Variants in DRP2 observed in about 807,000 individuals in gnomAD.
The protein encoded by DRP2 is dystrophin related protein 2.
In DRP2, 29 loss-of-function variants were observed where a neutral mutation model predicts 78.2. The observed-to-expected ratio is 0.37, with a 90% CI of 0.28 to 0.51. The LOEUF (loss-of-function observed/expected upper bound fraction) is 0.51. DRP2 is among the 20% of genes least tolerant of loss of function. The pLI is 0.94. For synonymous variants in DRP2, 290 were observed against 281.9 expected, an observed-to-expected ratio of 1.03 and a Z score of -0.29; for missense variants, 686 against 770.6, an observed-to-expected ratio of 0.89 and a Z score of 1.30.
chrX:101,255,136 C>T (rs1240465518), intron 19 of DRP2, 48 bp from the exon 20 acceptor site: 6 of 1,160,998 alleles, frequency 5.2e-6, no homozygotes, highest in African/African-American at 1.8e-5. Context: ...GAGATGGAAG[C>T]AGGCCCCACA....
At chrX:101,252,126 G>A (rs1433668275) in intron 16 of DRP2, among the ~76,000 whole-genome samples, 1 of 111,907 alleles carries the variant, frequency 8.9e-6, no homozygotes, top group Non-Finnish European at 1.9e-5. Context: ...TCTTTGTTCT[G>A]CAATAATAGG....
chrX:101,230,696 A>G (rs758869049), intron 2 of DRP2, among the ~76,000 whole-genome samples: 1 of 110,219 alleles, frequency 9.1e-6, no homozygotes, highest in Admixed American at 9.7e-5. Context: ...TACACACAAC[A>G]AGGCACCTAC....
chrX:101,254,895 A>C lies in DRP2; in HGVS notation c.2151A>C (p.Thr717=). 8.3e-7 allele frequency: 1 copy of C among 1,211,626 alleles called. No homozygotes were observed. The highest frequency in any genetic ancestry group is 1.8e-5 in the South Asian group (1 of 56,964). Residue 717 remains threonine, a synonymous_variant, in exon 19 of 24, where the codon ACA becomes ACC. Transcript: ENST00000395209. ...CCCCGATGTGGCCACACGCCGACAC[A>C]CACTCCCGAATTGAGCATTTTGCCA... is the stretch of plus-strand genomic sequence containing the variant. ...ASSPMWPHAD[T]HSRIEHFASR...
At chrX:101,249,132 A>G (rs937048603) in intron 14 of DRP2, among the ~76,000 whole-genome samples, 1 of 112,249 alleles carries the variant, frequency 8.9e-6, no homozygotes, top group Admixed American at 9.4e-5. Flanking sequence ...CAGTAGCAGC[A>G]TGATTAGTTG....
intron 12 of DRP2, among the ~76,000 whole-genome samples, chrX:101,247,551 A>G: frequency 9.0e-6 from 1 of 111,581 alleles, no homozygotes; most frequent in Non-Finnish European, 1.9e-5. Flanking sequence ...CTGAGGATAT[A>G]ATATGCCTTC....
intron 1 of DRP2, among the ~76,000 whole-genome samples, chrX:101,224,191 G>GTTTTGTTTTTTTTTTTTT (rs1922007763): frequency 1.3e-4 from 5 of 38,878 alleles, no homozygotes; most frequent in African/African-American, 6.3e-4. Flanking sequence ...GGTTTTTTTT[G>GTTTTGTTTTTTTTTTTTT]TTTTTTTTTT....
intron 2 of DRP2, among the ~76,000 whole-genome samples, chrX:101,229,971 CTT>C (rs1922246412): frequency 8.9e-6 from 1 of 112,264 alleles, no homozygotes; most frequent in Non-Finnish European, 1.9e-5. Flanking sequence ...CAAATTTACT[CTT>C]TCTCCTGTCT....
chrX:101,221,773 G>A (rs1219949972), intron 1 of DRP2, among the ~76,000 whole-genome samples: 1 of 111,959 alleles, frequency 8.9e-6, no homozygotes, highest in African/African-American at 3.3e-5. Flanking sequence ...AGAAGTTTCT[G>A]ATGTTGGATC....
In DRP2 at chrX:101,235,890, C is replaced by T; in HGVS notation, c.148C>T (p.Pro50Ser). ...AGCTGCTGTCACCAGCCCTGCACCT[C>T]CTCAAGATGGTGCTGGGGTTCCCTG... ...VRAAVTSPAP[P>S]QDGAGVPCLS... The change falls in exon 4 of 24, where the codon CCT becomes TCT. Residue 50 changes from proline (P) to serine (S), a missense_variant. Pro to Ser is a moderately conservative substitution (Grantham distance 74). This residue lies in a region of DRP2 where 263 missense variants were observed against 239.1 expected (regional missense o/e 1.10). Coordinates refer to ENST00000395209, the MANE Select transcript of DRP2 (RefSeq NM_001939.3). The T allele has an allele frequency of 8.3e-7, 1 of 1,211,212 alleles. No individual in the cohort carries two copies. The highest frequency in any genetic ancestry group is 1.8e-5 in the South Asian group (1 of 56,889).
intron 9 of DRP2, 91 bp downstream of exon 9, chrX:101,243,073 C>A: frequency 1.2e-6 from 1 of 818,227 alleles, no homozygotes; most frequent in Non-Finnish European, 1.8e-6. Context: ...GGTGGGAGCC[C>A]AGTATACCTT....
At chrX:101,260,354 A>G (rs1923505060) in intron 23 of DRP2, 143 bp from the exon 24 acceptor site, 3 of 949,291 alleles carry the variant, frequency 3.2e-6, no homozygotes, top group African/African-American at 2.0e-5. Flanking sequence ...TACATTGAGC[A>G]CAACCTATGT....
chrX:101,241,708 T>C lies in DRP2; in HGVS notation c.600T>C (p.Phe200=). 5 of 1,211,740 alleles carry C rather than the reference T, an allele frequency of 4.1e-6. No homozygotes were observed. Among genetic ancestry groups the C allele is most frequent in the Non-Finnish European group, 5.6e-6 (5 of 895,488 alleles). The change falls in exon 7 of 24, where the codon TTT becomes TTC. Residue 200 remains phenylalanine, a synonymous_variant. Transcript: ENST00000395209. ...PKQRIQNLSR[F]VWKQATVASE... ...AGCGGATCCAGAATCTCAGCCGCTT[T>C]GTATGGAAGCAGGCGACGGTGGCCA... is the stretch of plus-strand genomic sequence containing the variant.
intron 1 of DRP2, among the ~76,000 whole-genome samples, chrX:101,224,191 G>GTTTTGTTTT (rs1922007763): frequency 5.7e-4 from 22 of 38,874 alleles, no homozygotes; most frequent in African/African-American, 2.8e-3. Context: ...GGTTTTTTTT[G>GTTTTGTTTT]TTTTTTTTTT....
Position 101,260,667 on chromosome X carries a change from C to A in DRP2, c.*46C>A. On this transcript the variant is annotated 3_prime_UTR_variant, in exon 24 of 24. Transcript: ENST00000395209. ...ATAGTTCATAGTCCTCTCCTGGTTC[C>A]GGTCAAAGCCTTTCCTCAGCCTTCA... 8.6e-7 allele frequency: 1 copy of A among 1,166,879 alleles called. No homozygotes were observed. Among genetic ancestry groups the A allele is most frequent in the Non-Finnish European group, 1.1e-6 (1 of 872,407 alleles).
intron 4 of DRP2, among the ~76,000 whole-genome samples, chrX:101,236,524 C>T (rs1194532323): frequency 8.9e-6 from 1 of 111,881 alleles, no homozygotes; most frequent in East Asian, 2.8e-4. Flanking sequence ...CTATTTCTCC[C>T]CAAACTAAGG....
chrX:101,254,631 TG>T, intron 18 of DRP2, 70 bp downstream of exon 18: 13 of 1,189,625 alleles, frequency 1.1e-5, no homozygotes, highest in Non-Finnish European at 1.4e-5. Flanking sequence ...GTGAAGGGGC[TG>T]AGTCCCGAGT....
chrX:101,245,557 A>T, intron 11 of DRP2, 108 bp downstream of exon 11: 2 of 623,790 alleles, frequency 3.2e-6, no homozygotes, highest in Non-Finnish European at 4.9e-6. Flanking sequence ...TATCCATGTA[A>T]TGGAATATTC....
At chrX:101,224,083 T>A (rs1921986266) in intron 1 of DRP2, among the ~76,000 whole-genome samples, 1 of 106,019 alleles carries the variant, frequency 9.4e-6, no homozygotes, top group African/African-American at 3.4e-5. Flanking sequence ...GGGAAGGGGG[T>A]CGCCTTCCCA....
intron 20 of DRP2, 60 bp from the exon 21 acceptor site, chrX:101,256,058 C>T: frequency 9.0e-7 from 1 of 1,112,990 alleles, no homozygotes. Context: ...GAGCTGAGAG[C>T]TGAGTTGTTT....
Sources: allele counts gnomAD v4.1 joint callset (sites outside exome capture counted in the v4.1 genomes callset), GRCh38; gene constraint gnomAD v4.1.1; regional missense constraint gnomAD v4.1.1; transcripts MANE v1.5; gene names NCBI Gene and HGNC (gene_info 2026-07-23, HGNC 2026-07-21).